Variants in FARS2 observed in about 807,000 individuals in gnomAD.
FARS2 encodes the protein phenylalanyl-tRNA synthetase 2, mitochondrial.
In FARS2, 40 loss-of-function variants were observed where a neutral mutation model predicts 46.4. The observed-to-expected ratio is 0.86, with a 90% CI of 0.67 to 1.12. The LOEUF (loss-of-function observed/expected upper bound fraction) is 1.12. Among genes scored for constraint, FARS2 ranks in the 50% most tolerant of loss-of-function variants. The pLI is 0.00. For missense variants in FARS2, 513 were observed against 567.9 expected, an observed-to-expected ratio of 0.90 and a Z score of 0.98; for synonymous variants, 234 against 214.9, an observed-to-expected ratio of 1.09 and a Z score of -0.78.
intron 6 of FARS2, among the ~76,000 whole-genome samples, chr6:5,620,423 G>A (rs1775710409): frequency 6.6e-6 from 1 of 152,188 alleles, no homozygotes; most frequent in Non-Finnish European, 1.5e-5. Context: ...AGGTGTTCTA[G>A]TGGGGGCTCT....
chr6:5,660,525 T>C (rs2150779635), intron 6 of FARS2, among the ~76,000 whole-genome samples: 1 of 152,010 alleles, frequency 6.6e-6, no homozygotes, highest in Middle Eastern at 3.4e-3. Context: ...GTGCATGCCT[T>C]TAGTCCCAGC....
At chr6:5,515,884 A>G (rs1582325598) in intron 4 of FARS2, among the ~76,000 whole-genome samples, 1 of 152,086 alleles carries the variant, frequency 6.6e-6, no homozygotes, top group Middle Eastern at 3.4e-3. Context: ...ACGTTTAGTA[A>G]TTTATATCAT....
chr6:5,561,315 C>A (rs917294145), intron 5 of FARS2, among the ~76,000 whole-genome samples: 4 of 151,948 alleles, frequency 2.6e-5, no homozygotes, highest in Non-Finnish European at 4.4e-5. Context: ...GTTTGCTTTT[C>A]TTCTTAATGA....
rs574118163 is a variant in FARS2, at chr6:5,702,304, T to C, written c.1218-68987T>C. 3.9e-5 allele frequency among the ~76,000 whole-genome samples: 6 copies of C among 152,360 alleles called. No individual in the cohort carries two copies. In the South Asian group the frequency reaches 1.2e-3, roughly 32 times the overall value. ...ACTAGGATACCAGAAAGCGAAGTAT[T>C]TCAAAGTGTTCCTTTAGCAAACTAT... On this transcript the variant is annotated intron_variant, in intron 6 of 6. Coordinates refer to ENST00000274680, the MANE Select transcript of FARS2 (RefSeq NM_006567.5).
At chr6:5,666,869 C>T (rs552193461) in intron 6 of FARS2, among the ~76,000 whole-genome samples, 1 of 152,148 alleles carries the variant, frequency 6.6e-6, no homozygotes, top group Non-Finnish European at 1.5e-5. Context: ...ACATATGCAC[C>T]GTGGAATACT....
intron 4 of FARS2, chr6:5,466,993 C>T (rs1401391091): frequency 1.0e-6 from 1 of 985,198 alleles, no homozygotes; most frequent in Non-Finnish European, 1.2e-6. Context: ...GTTCGTGCAA[C>T]AGATGTCCTC....
chr6:5,744,986 G>A (rs1221758107), intron 6 of FARS2, among the ~76,000 whole-genome samples: 4 of 152,180 alleles, frequency 2.6e-5, no homozygotes, highest in Admixed American at 6.5e-5. Context: ...ACCTGTACCT[G>A]TAGCATTTGA....
chr6:5,373,588 A>G (rs1047820101), intron 2 of FARS2, among the ~76,000 whole-genome samples: 2 of 152,182 alleles, frequency 1.3e-5, no homozygotes, highest in South Asian at 4.1e-4. Flanking sequence ...CTAAGGGTTT[A>G]GAAATGTTTA....
Position 5,609,639 on chromosome 6 carries a change from G to T in FARS2, c.1066-3530G>T, listed in dbSNP as rs897363277. The T allele has an allele frequency of 1.2e-5, 14 of 1,216,338 alleles. 1 individual carries two copies. The highest frequency in any genetic ancestry group is 2.7e-4 in the Middle Eastern group (1 of 3,738). 75.3% of individuals were successfully genotyped at this position (1,216,338 alleles called of 1,614,324 possible). A position where few individuals can be genotyped will look rare whatever the true frequency, so the allele number is the denominator to read the frequency against. ...CTGAAAGAAGCACTCACCATCTCTT[G>T]CTTTGACAGGGCTTTCCTAACTTCA... is the stretch of plus-strand genomic sequence containing the variant. On this transcript the variant is annotated intron_variant, in intron 5 of 6. Transcript: ENST00000274680.
At chr6:5,644,990 T>G (rs1294024024) in intron 6 of FARS2, among the ~76,000 whole-genome samples, 1 of 152,218 alleles carries the variant, frequency 6.6e-6, no homozygotes, top group African/African-American at 2.4e-5. Flanking sequence ...GACTCAGCAC[T>G]TATGATTCTG....
intron 5 of FARS2, among the ~76,000 whole-genome samples, chr6:5,597,820 A>G (rs566442086): frequency 6.6e-6 from 1 of 152,318 alleles, no homozygotes; most frequent in South Asian, 2.1e-4. Flanking sequence ...ACCGTAGCCA[A>G]TATTTCCTTC....
At chr6:5,488,461 A>T (rs1766907186) in intron 4 of FARS2, among the ~76,000 whole-genome samples, 1 of 152,194 alleles carries the variant, frequency 6.6e-6, no homozygotes, top group Non-Finnish European at 1.5e-5. Flanking sequence ...CCATGGACAG[A>T]ATTATTTGCT....
At chr6:5,708,342 G>C (rs972255306) in intron 6 of FARS2, among the ~76,000 whole-genome samples, 4 of 151,992 alleles carry the variant, frequency 2.6e-5, no homozygotes, top group African/African-American at 9.7e-5. Flanking sequence ...TCTCTTATCA[G>C]GATGTGAGAT....
chr6:5,751,917 C>T (rs1296902019), intron 6 of FARS2, among the ~76,000 whole-genome samples: 4 of 152,222 alleles, frequency 2.6e-5, no homozygotes, highest in African/African-American at 9.6e-5. Context: ...CTCACCTTGT[C>T]AGTGCTGGAA....
chr6:5,446,217 A>AG (rs1764181245), intron 4 of FARS2, among the ~76,000 whole-genome samples: 3 of 151,018 alleles, frequency 2.0e-5, no homozygotes. Flanking sequence ...AAAAAAAAAA[A>AG]GAAAATTTTT....
intron 5 of FARS2, among the ~76,000 whole-genome samples, chr6:5,590,549 G>A (rs1234457404): frequency 6.6e-6 from 1 of 152,186 alleles, no homozygotes; most frequent in Non-Finnish European, 1.5e-5. Flanking sequence ...CCATCTCTGA[G>A]AAAAATATTC....
chr6:5,602,633 G>A (rs998342017), intron 5 of FARS2, among the ~76,000 whole-genome samples: 1 of 107,104 alleles, frequency 9.3e-6, no homozygotes, highest in African/African-American at 3.7e-5. Flanking sequence ...GCAATAGAGT[G>A]AGACTCCGTC....
intron 6 of FARS2, among the ~76,000 whole-genome samples, chr6:5,748,192 G>T (rs1041415294): frequency 6.6e-6 from 1 of 152,132 alleles, no homozygotes; most frequent in Non-Finnish European, 1.5e-5. Flanking sequence ...GCTTCCTGAG[G>T]CTTGGGCCTT....
chr6:5,388,269 A>G (rs897861526), intron 2 of FARS2, among the ~76,000 whole-genome samples: 16 of 152,166 alleles, frequency 1.1e-4, no homozygotes, highest in Non-Finnish European at 2.1e-4. Context: ...GCAGGGGGGA[A>G]ATGGTTGCAG....
Sources: allele counts gnomAD v4.1 joint callset (sites outside exome capture counted in the v4.1 genomes callset), GRCh38; gene constraint gnomAD v4.1.1; transcripts MANE v1.5; gene names NCBI Gene and HGNC (gene_info 2026-07-23, HGNC 2026-07-21).